ZNF461: variants seen among roughly 807,000 people sequenced by gnomAD.
The protein encoded by ZNF461 is zinc finger protein 461.
ZNF461 carries 16 observed loss-of-function variants against 18.3 expected under a neutral mutation model. That is an observed-to-expected ratio of 0.88 (90% CI 0.59 to 1.33). ZNF461 has a LOEUF of 1.33. Ranked by LOEUF, ZNF461 falls within the 40% of genes most tolerant of loss-of-function variation. ZNF461 has a pLI of 0.00. For missense variants in ZNF461, 595 were observed against 669.9 expected, an observed-to-expected ratio of 0.89 and a Z score of 1.23; for synonymous variants, 179 against 216.9, an observed-to-expected ratio of 0.83 and a Z score of 1.54.
chr19:36,638,578 T>A lies in ZNF461; in HGVS notation c.*75A>T. 1 of 1,074,086 alleles carries A rather than the reference T, an allele frequency of 9.3e-7. No individual in the cohort carries two copies. Among genetic ancestry groups the A allele is most frequent in the Non-Finnish European group, 1.3e-6 (1 of 765,682 alleles). 66.5% of individuals were successfully genotyped at this position (1,074,086 alleles called of 1,614,324 possible). ...TTCAAGGATTATTTAAATAAATAAATACTAATGAAACTGGTGGCTTACCAA... is the reference window on the plus strand; with the variant it reads ...TTCAAGGATTATTTAAATAAATAAAAACTAATGAAACTGGTGGCTTACCAA... On this transcript the variant is annotated 3_prime_UTR_variant, in exon 6 of 6. Transcript: ENST00000588268.
At chr19:36,653,280 T>G (rs1243378382) in intron 4 of ZNF461, among the ~76,000 whole-genome samples, 2 of 152,192 alleles carry the variant, frequency 1.3e-5, no homozygotes, top group Non-Finnish European at 2.9e-5. Context: ...TGTACAAGTT[T>G]GTACATGAAT....
chr19:36,650,064 A>T (rs1282375657), intron 4 of ZNF461, among the ~76,000 whole-genome samples: 1 of 152,096 alleles, frequency 6.6e-6, no homozygotes, highest in Non-Finnish European at 1.5e-5. Context: ...AATCCCAGCT[A>T]CTCAGGAGGC....
chr19:36,665,372 G>A (rs2037889734), intron 1 of ZNF461, among the ~76,000 whole-genome samples: 1 of 152,212 alleles, frequency 6.6e-6, no homozygotes, highest in Non-Finnish European at 1.5e-5. Context: ...ATATTCTTAA[G>A]TTTGTCTTTG....
chr19:36,644,157 T>C (rs2037479323), intron 4 of ZNF461, among the ~76,000 whole-genome samples: 1 of 152,148 alleles, frequency 6.6e-6, no homozygotes, highest in South Asian at 2.1e-4. Context: ...GGTCTTGAAC[T>C]CCTGACCTCA....
chr19:36,646,072 C>T (rs915189068), intron 4 of ZNF461, among the ~76,000 whole-genome samples: 4 of 152,014 alleles, frequency 2.6e-5, no homozygotes, highest in Admixed American at 2.0e-4. Context: ...CGTGAGCCAC[C>T]GTGCCTGGCC....
chr19:36,640,229 T>C, intron 5 of ZNF461, 186 bp from the exon 6 acceptor site: 1 of 511,858 alleles, frequency 2.0e-6, no homozygotes, highest in Non-Finnish European at 3.3e-6. Context: ...ATTAGGGAAA[T>C]AATTCAATGG....
Position 36,639,652 on chromosome 19 carries a change from T to C in ZNF461, c.693A>G (p.Pro231=). The C allele has an allele frequency of 3.7e-6, 6 of 1,613,912 alleles. No homozygotes were observed. The highest frequency in any genetic ancestry group is 4.2e-6 in the Non-Finnish European group (5 of 1,179,812). Residue 231 remains proline (P), a synonymous_variant, in exon 6 of 6, where the codon CCA becomes CCG. Coordinates refer to ENST00000588268, the MANE Select transcript of ZNF461 (RefSeq NM_153257.5). ...GAATTGTCTGTTGTTTAAAAAGGCA[T>C]GGTGTATTAACAATTTCTGTGCATT... The part of the protein sequence containing the change: ...CKECTEIVNT[P]CLFKQQTIQN...
At chr19:36,645,706 T>C (rs2044484556) in intron 4 of ZNF461, among the ~76,000 whole-genome samples, 1 of 152,168 alleles carries the variant, frequency 6.6e-6, no homozygotes, top group African/African-American at 2.4e-5. Context: ...TACAATACAG[T>C]ACTGCAAACT....
intron 4 of ZNF461, among the ~76,000 whole-genome samples, chr19:36,648,996 T>C (rs958674123): frequency 4.6e-5 from 7 of 152,176 alleles, no homozygotes; most frequent in Admixed American, 6.6e-5. Flanking sequence ...AGCAGTGTAA[T>C]GGTTCTGAAA....
intron 2 of ZNF461, among the ~76,000 whole-genome samples, chr19:36,663,744 G>C (rs1368986447): frequency 6.6e-6 from 1 of 151,680 alleles, no homozygotes; most frequent in Admixed American, 6.6e-5. Flanking sequence ...TGCCTAGACT[G>C]GTCTGGAACT....
At chr19:36,646,162 C>T (rs188489353) in intron 4 of ZNF461, among the ~76,000 whole-genome samples, 165 of 151,866 alleles carry the variant, frequency 1.1e-3, no homozygotes, top group South Asian at 5.2e-3. Context: ...TGGAGTTTCA[C>T]TCTTGTTGCC....
rs1295837634 is a variant in ZNF461 at position 36,639,443 on chromosome 19, T to C, written c.902A>G (p.Tyr301Cys). ...GGCCTTCCCACATTCTTTACATTCA[T>C]AAGGTTTCTCACCAGTGTGAATTCT... ...HQRIHTGEKP[Y>C]ECKECGKAFR... Residue 301 changes from tyrosine to cysteine, a missense_variant, in exon 6 of 6, where the codon TAT becomes TGT. Coordinates refer to ENST00000588268, the MANE Select transcript of ZNF461 (RefSeq NM_153257.5). The C allele has an allele frequency of 6.2e-7, 1 of 1,614,054 alleles. No homozygotes were observed. The highest frequency in any genetic ancestry group is 1.7e-5 in the Admixed American group (1 of 60,006).
In ZNF461 at chr19:36,637,488, C is replaced by A. The variant is rs2037318245; in HGVS notation, c.*1165G>T. On this transcript the variant is annotated 3_prime_UTR_variant, in exon 6 of 6. Coordinates refer to ENST00000588268, the MANE Select transcript of ZNF461 (RefSeq NM_153257.5). ...GTGCTGGGATTACAGGCATGAGCCA[C>A]CAAGCCTGGCCAATTTTGATAATTT... The A allele has an allele frequency of 6.4e-6, 1 of 155,364 alleles. No homozygotes were observed. The highest frequency in any genetic ancestry group is 1.4e-5 in the Non-Finnish European group (1 of 70,126). The allele number at this position is 155,364 out of a possible 1,614,324, so 9.6% of individuals were successfully genotyped here. A position where few individuals can be genotyped will look rare whatever the true frequency, so the allele number is the denominator to read the frequency against.
chr19:36,641,951 GCT>G (rs1440573471), intron 5 of ZNF461, among the ~76,000 whole-genome samples: 4 of 152,046 alleles, frequency 2.6e-5, no homozygotes, highest in African/African-American at 9.7e-5. Flanking sequence ...ACCAAGTCAT[GCT>G]CTGTCACCCA....
intron 1 of ZNF461, 21 bp from the exon 2 acceptor site, chr19:36,664,807 A>C: frequency 1.1e-6 from 1 of 915,968 alleles, no homozygotes; most frequent in Non-Finnish European, 1.6e-6. Flanking sequence ...GGGGAGTTAA[A>C]AAAAAGACAG....
chr19:36,663,888 G>A (rs1174407630), intron 2 of ZNF461, among the ~76,000 whole-genome samples: 1 of 151,996 alleles, frequency 6.6e-6, no homozygotes, highest in Non-Finnish European at 1.5e-5. Flanking sequence ...ATATATCTGG[G>A]AAGTCTTACT....
At chr19:36,657,639 G>C (rs781675621) in intron 3 of ZNF461, 1 of 151,844 alleles carries the variant, frequency 6.6e-6, no homozygotes, top group Non-Finnish European at 1.5e-5. Flanking sequence ...CTAGCCAGGC[G>C]TGTTGGCACA....
intron 3 of ZNF461, among the ~76,000 whole-genome samples, chr19:36,656,769 G>A (rs1212445704): frequency 6.6e-6 from 1 of 151,556 alleles, no homozygotes; most frequent in Non-Finnish European, 1.5e-5. Context: ...ATTTATGTAA[G>A]GTTTCTCTTT....
At chr19:36,646,687 TTTTAA>T (rs2037534349) in intron 4 of ZNF461, among the ~76,000 whole-genome samples, 1 of 152,124 alleles carries the variant, frequency 6.6e-6, no homozygotes, top group South Asian at 2.1e-4. Context: ...GACTAGTGAG[TTTTAA>T]TTTAATAGAT....
Sources: gnomAD v4.1 joint callset for allele counts (sites outside exome capture counted in the v4.1 genomes callset) on GRCh38, gnomAD v4.1.1 for gene constraint, MANE v1.5 for transcripts, NCBI Gene and HGNC (gene_info 2026-07-23, HGNC 2026-07-21) for gene names.